The following EPB41L4A variants were observed in gnomAD, a reference collection of about 807,000 sequenced individuals.
EPB41L4A encodes band 4.1-like protein 4A.
In EPB41L4A, 100 loss-of-function variants were observed where a neutral mutation model predicts 108.6. That is an observed-to-expected ratio of 0.92 (90% CI 0.78 to 1.09). The LOEUF (loss-of-function observed/expected upper bound fraction) is 1.09. Ranked by LOEUF, EPB41L4A falls within the 50% of genes least tolerant of loss-of-function variation. The pLI is 0.00. For missense variants in EPB41L4A, 1,030 were observed against 842.7 expected (o/e 1.22, Z -2.75); for synonymous variants, 319 against 289.0 (o/e 1.10, Z -1.05).
At chr5:112,205,650 C>T (rs1490838941) in intron 13 of EPB41L4A, 146 bp from the exon 14 acceptor site, 3 of 651,390 alleles carry the variant, frequency 4.6e-6, no homozygotes, top group African/African-American at 3.7e-5. Context: ...CTAAAAAGAA[C>T]ATGAAGTCGC....
At chr5:112,379,225 A>G (rs1217391370) in intron 1 of EPB41L4A, among the ~76,000 whole-genome samples, 1 of 152,188 alleles carries the variant, frequency 6.6e-6, no homozygotes, top group Admixed American at 6.5e-5. Context: ...CTTAAAATTA[A>G]TAACTGCAAG....
At chr5:112,170,520 A>G in intron 19 of EPB41L4A, 151 bp from the exon 20 acceptor site, 3 of 604,494 alleles carry the variant, frequency 5.0e-6, no homozygotes, top group Non-Finnish European at 8.6e-6. Flanking sequence ...AAACGTGTTC[A>G]AGGAAAAATA....
At chr5:112,153,639 T>C (rs1242628578) in intron 12 of EPB41L4A, among the ~76,000 whole-genome samples, 2 of 150,684 alleles carry the variant, frequency 1.3e-5, no homozygotes, top group Non-Finnish European at 3.0e-5. Flanking sequence ...AACAAATCCA[T>C]ATCATAATGG....
chr5:112,205,698 CT>C (rs1401098467), intron 13 of EPB41L4A, among the ~76,000 whole-genome samples, 194 bp from the exon 14 acceptor site: 1 of 152,150 alleles, frequency 6.6e-6, no homozygotes, highest in African/African-American at 2.4e-5. Flanking sequence ...ACCTTTGGGT[CT>C]TTCCCCCCTC....
chr5:112,340,564 T>C (rs1757245841), intron 1 of EPB41L4A, among the ~76,000 whole-genome samples: 2 of 152,228 alleles, frequency 1.3e-5, no homozygotes, highest in South Asian at 2.1e-4. Context: ...AAATATTTTC[T>C]AGTTCTCATA....
chr5:112,419,111 C>T lies in EPB41L4A; in HGVS notation c.-72G>A. On this transcript the variant is annotated 5_prime_UTR_variant, in exon 1 of 23. Transcript: ENST00000261486. ...CGCCCAGCCGCCCCCTCCACTCAAG[C>T]GCGATGCATTAATTTATTGTCCGCG... The T allele has an allele frequency of 1.8e-6, 2 of 1,137,208 alleles. No individual in the cohort carries two copies. The highest frequency in any genetic ancestry group is 2.4e-5 in the East Asian group (1 of 41,246). 70.4% of individuals were successfully genotyped at this position (1,137,208 alleles called of 1,614,324 possible). A position where few individuals can be genotyped will look rare whatever the true frequency, so the allele number is the denominator to read the frequency against.
rs572040867 is a variant in EPB41L4A at position 112,262,769 on chromosome 5, T to C, written c.555-188A>G. Reference sequence around the variant, plus strand: ...AAATTTTATACTCTGAAGTGATACTTATATTAATTTCATTTACCAAATCCA... The same window carrying C: ...AAATTTTATACTCTGAAGTGATACTCATATTAATTTCATTTACCAAATCCA... On this transcript the variant is annotated intron_variant, in intron 6 of 22. Transcript: ENST00000261486. Among the ~76,000 whole-genome samples, 51 of 152,342 alleles carry C rather than the reference T, an allele frequency of 3.3e-4. 1 individual carries two copies. The South Asian group carries it at 9.7e-3, about 29-fold the overall frequency.
chr5:112,330,798 A>G (rs770314837), intron 1 of EPB41L4A, among the ~76,000 whole-genome samples: 1 of 152,108 alleles, frequency 6.6e-6, no homozygotes, highest in Non-Finnish European at 1.5e-5. Flanking sequence ...GTGTATCAAT[A>G]TATGTTAATA....
intron 12 of EPB41L4A, among the ~76,000 whole-genome samples, chr5:112,215,238 G>A (rs1300605440): frequency 6.6e-6 from 1 of 152,248 alleles, no homozygotes; most frequent in Non-Finnish European, 1.5e-5. Flanking sequence ...ATACCTTGCA[G>A]GACTGGGCTG....
chr5:112,240,617 G>C, intron 10 of EPB41L4A, 102 bp downstream of exon 10: 2 of 632,584 alleles, frequency 3.2e-6, no homozygotes, highest in Non-Finnish European at 5.3e-6. Flanking sequence ...TTAATAAAAG[G>C]GAAACAATTC....
At chr5:112,261,318 A>G (rs1293381830) in intron 7 of EPB41L4A, among the ~76,000 whole-genome samples, 1 of 152,348 alleles carries the variant, frequency 6.6e-6, no homozygotes, top group Middle Eastern at 3.4e-3. Flanking sequence ...CAAAAGACAT[A>G]TACAAAATGA....
chr5:112,366,224 T>G (rs76428862), intron 1 of EPB41L4A, among the ~76,000 whole-genome samples: 2,213 of 152,038 alleles, frequency 0.015, 54 homozygotes, highest in African/African-American at 0.051. Flanking sequence ...CACTCTCCTC[T>G]CCTTTTTTAT....
chr5:112,410,986 A>C (rs2112810186), intron 1 of EPB41L4A, among the ~76,000 whole-genome samples: 1 of 152,288 alleles, frequency 6.6e-6, no homozygotes, highest in South Asian at 2.1e-4. Flanking sequence ...ACCCGCCCTG[A>C]ACCTCCTTTC....
intron 1 of EPB41L4A, among the ~76,000 whole-genome samples, chr5:112,402,604 G>A (rs992719122): frequency 1.5e-4 from 23 of 152,154 alleles, no homozygotes; most frequent in South Asian, 2.1e-4. Context: ...GGAAAAGTAC[G>A]TGGAAGACTC....
intron 2 of EPB41L4A, among the ~76,000 whole-genome samples, chr5:112,303,136 T>C (rs1754472663): frequency 6.6e-6 from 1 of 152,218 alleles, no homozygotes; most frequent in Non-Finnish European, 1.5e-5. Flanking sequence ...GGACTCACAT[T>C]ATCACTTATA....
chr5:112,278,030 C>G (rs1752719906), intron 3 of EPB41L4A, among the ~76,000 whole-genome samples: 1 of 152,090 alleles, frequency 6.6e-6, no homozygotes, highest in Non-Finnish European at 1.5e-5. Context: ...TAAGGAGTTT[C>G]TCATTAACTC....
At chr5:112,408,260 A>T (rs537936166) in intron 1 of EPB41L4A, among the ~76,000 whole-genome samples, 1 of 152,328 alleles carries the variant, frequency 6.6e-6, no homozygotes, top group Non-Finnish European at 1.5e-5. Flanking sequence ...TCTTAAAAGC[A>T]AACATAAGAG....
chr5:112,372,204 TTA>T (rs1759537588), intron 1 of EPB41L4A, among the ~76,000 whole-genome samples: 1 of 152,166 alleles, frequency 6.6e-6, no homozygotes, highest in African/African-American at 2.4e-5. Context: ...CTCAGGAAAC[TTA>T]CAATCATGGC....
chr5:112,161,627 A>G (rs1759910678), downstream of EPB41L4A: 1 of 519,072 alleles, frequency 1.9e-6, no homozygotes, highest in Non-Finnish European at 3.8e-6. Context: ...TGCTGCTTTT[A>G]CGTTTCCACG....
Sources: allele counts gnomAD v4.1 joint callset (sites outside exome capture counted in the v4.1 genomes callset), GRCh38; gene constraint gnomAD v4.1.1; transcripts MANE v1.5; gene names NCBI Gene and HGNC (gene_info 2026-07-23, HGNC 2026-07-21).